Variants in XYLT1 observed in about 807,000 individuals in gnomAD.
The protein encoded by XYLT1 is beta-D-xylosyltransferase 1.
Under a neutral mutation model 91.3 loss-of-function variants are expected in XYLT1, and 36 were observed. The ratio of observed to expected loss-of-function variants is 0.39; its 90% CI spans 0.30 to 0.52. The LOEUF is 0.52. XYLT1 is among the 20% of genes least tolerant of loss of function. The pLI, the probability that XYLT1 is intolerant of heterozygous loss-of-function variation, is 0.68. For missense variants in XYLT1, 1,242 were observed against 1,284.5 expected, an observed-to-expected ratio of 0.97 and a Z score of 0.51; for synonymous variants, 588 against 532.0, an observed-to-expected ratio of 1.11 and a Z score of -1.45.
At chr16:17,210,670 C>T (rs570568484) in intron 3 of XYLT1, among the ~76,000 whole-genome samples, 3 of 152,198 alleles carry the variant, frequency 2.0e-5, no homozygotes, top group South Asian at 2.1e-4. Context: ...CTTCAGCCTC[C>T]CAGTGCTGGG....
At chr16:17,261,599 A>G (rs2033723429) in intron 2 of XYLT1, among the ~76,000 whole-genome samples, 1 of 152,170 alleles carries the variant, frequency 6.6e-6, no homozygotes, top group Non-Finnish European at 1.5e-5. Context: ...ACTGAACCAC[A>G]AGATCTGGCC....
At chr16:17,340,444 G>C (rs2035050171) in intron 2 of XYLT1, among the ~76,000 whole-genome samples, 1 of 152,224 alleles carries the variant, frequency 6.6e-6, no homozygotes, top group Non-Finnish European at 1.5e-5. Context: ...CCTGTGTTCA[G>C]ATCATTTCCT....
intron 1 of XYLT1, among the ~76,000 whole-genome samples, chr16:17,379,865 T>TG (rs1284051199): frequency 2.6e-5 from 4 of 151,482 alleles, no homozygotes; most frequent in Non-Finnish European, 5.9e-5. Flanking sequence ...CCAAAGACCA[T>TG]CATTTGTATT....
At chr16:17,321,617 C>T (rs936304704) in intron 2 of XYLT1, among the ~76,000 whole-genome samples, 60 of 152,150 alleles carry the variant, frequency 3.9e-4, no homozygotes, top group Non-Finnish European at 5.6e-4. Flanking sequence ...GTCAGACTCC[C>T]GAAGTGCTGG....
intron 6 of XYLT1, among the ~76,000 whole-genome samples, chr16:17,150,522 G>A (rs558195746): frequency 4.1e-4 from 63 of 152,312 alleles, no homozygotes; most frequent in African/African-American, 1.4e-3. Context: ...TCTAGGCTCT[G>A]TTCTATGCAC....
Position 17,160,792 on chromosome 16 carries a change from T to C in XYLT1, c.1290-1883A>G, listed in dbSNP as rs11862773. Among the ~76,000 whole-genome samples, 1,258 of 152,276 alleles carry C rather than the reference T, an allele frequency of 8.3e-3. 11 individuals are homozygous for C. Among genetic ancestry groups the C allele is most frequent in the African/African-American group, 0.027 (1,124 of 41,548 alleles). On this transcript the variant is annotated intron_variant, in intron 5 of 11. Coordinates refer to ENST00000261381, the MANE Select transcript of XYLT1 (RefSeq NM_022166.4). ...CTCCGACACTGTTACCTGTAGTTTG[T>C]GGGGACAGAGCCTCTTTAATAAGTC...
intron 2 of XYLT1, among the ~76,000 whole-genome samples, chr16:17,292,987 G>T (rs112435465): frequency 0.011 from 1,724 of 152,268 alleles, 38 homozygotes; most frequent in African/African-American, 0.039. Flanking sequence ...CCATGCAATG[G>T]AATTGTAAGC....
intron 5 of XYLT1, among the ~76,000 whole-genome samples, chr16:17,173,493 C>A (rs2031872649): frequency 6.6e-6 from 1 of 152,250 alleles, no homozygotes; most frequent in South Asian, 2.1e-4. Flanking sequence ...GCACTCTGCC[C>A]ACTTCCTGTG....
intron 1 of XYLT1, among the ~76,000 whole-genome samples, chr16:17,454,214 C>A (rs541671372): frequency 2.6e-5 from 4 of 152,168 alleles, no homozygotes; most frequent in Non-Finnish European, 5.9e-5. Context: ...AAGAGATGTC[C>A]AAGAATGTTC....
intron 2 of XYLT1, among the ~76,000 whole-genome samples, chr16:17,262,864 G>A (rs747705359): frequency 1.3e-5 from 2 of 152,084 alleles, no homozygotes; most frequent in South Asian, 2.1e-4. Flanking sequence ...AACTCATCCC[G>A]ATTAATCCAG....
intron 1 of XYLT1, among the ~76,000 whole-genome samples, chr16:17,377,175 T>TCACACACACACACA (rs376242678): frequency 2.0e-5 from 3 of 150,830 alleles, no homozygotes; most frequent in African/African-American, 4.9e-5. Context: ...AGACTCTGCC[T>TCACACACACACACA]CACACACACA....
intron 1 of XYLT1, among the ~76,000 whole-genome samples, chr16:17,405,689 G>A (rs1033115449): frequency 6.6e-6 from 1 of 152,222 alleles, no homozygotes; most frequent in Non-Finnish European, 1.5e-5. Context: ...GGGCAGGCAG[G>A]CTCTCTGTCA....
At position 17,420,466 on chromosome 16, in the gene XYLT1, T is replaced by G. The variant is rs184907478; in HGVS notation, c.363+49968A>C. ...GAGTCCCAGGGTTAGGTAATTTTTT[T>G]CATTTTATAGGTGAATAAAGGGAGA... On this transcript the variant is annotated intron_variant, in intron 1 of 11. Coordinates refer to ENST00000261381, the MANE Select transcript of XYLT1 (RefSeq NM_022166.4). Among the ~76,000 whole-genome samples the G allele has an allele frequency of 2.3e-3, 351 of 152,296 alleles. 1 individual carries two copies. The highest frequency in any genetic ancestry group is 2.7e-3 in the Non-Finnish European group (181 of 68,038).
intron 2 of XYLT1, among the ~76,000 whole-genome samples, chr16:17,292,057 G>A (rs1471289958): frequency 6.7e-6 from 1 of 150,346 alleles, no homozygotes; most frequent in Non-Finnish European, 1.5e-5. Flanking sequence ...CAGCTAGCCG[G>A]GCATGGTGGT....
chr16:17,432,794 G>C (rs1251793222), intron 1 of XYLT1, among the ~76,000 whole-genome samples: 1 of 152,052 alleles, frequency 6.6e-6, no homozygotes, highest in East Asian at 1.9e-4. Flanking sequence ...CCAAAGACAC[G>C]CTGGTTGTTC....
rs200606604 is a variant in XYLT1, at chr16:17,259,269, T to C, written c.632A>G (p.Lys211Arg). Residue 211 changes from lysine to arginine, a missense_variant, in exon 3 of 12, where the codon AAA becomes AGA. Lys to Arg is a conservative substitution (Grantham distance 26). This residue lies in a region of XYLT1 where 437 missense variants were observed against 411.5 expected (regional missense o/e 1.06). Transcript: ENST00000261381. ...GGGAGGCAGCACCTCACCGGGGCCT[T>C]TCCCAGGGAATGTATGTCCTTTTCC... ...EKGKGHTFPG[K>R]GPGEVLPPGD... 3.1e-6 allele frequency: 5 copies of C among 1,614,140 alleles called. No homozygotes were observed. The East Asian group carries it at 1.1e-4, about 36-fold the overall frequency.
intron 1 of XYLT1, among the ~76,000 whole-genome samples, chr16:17,435,010 G>A (rs776932943): frequency 2.6e-5 from 4 of 152,204 alleles, no homozygotes; most frequent in Admixed American, 1.3e-4. Flanking sequence ...TGCACTCATG[G>A]CACACACCTT....
chr16:17,375,773 C>T (rs1423935214), intron 1 of XYLT1, among the ~76,000 whole-genome samples: 1 of 152,220 alleles, frequency 6.6e-6, no homozygotes, highest in Non-Finnish European at 1.5e-5. Flanking sequence ...GGACAGGCAG[C>T]CTGGAACCAC....
intron 9 of XYLT1, 83 bp downstream of exon 9, chr16:17,134,390 G>T: frequency 6.5e-7 from 1 of 1,544,018 alleles, no homozygotes. Flanking sequence ...GATCCCTAAA[G>T]AGGAAGAAGG....
Sources: allele counts gnomAD v4.1 joint callset (sites outside exome capture counted in the v4.1 genomes callset), GRCh38; gene constraint gnomAD v4.1.1; regional missense constraint gnomAD v4.1.1; transcripts MANE v1.5; gene names NCBI Gene and HGNC (gene_info 2026-07-23, HGNC 2026-07-21).